The following BCAS3 variants were observed in gnomAD, a reference collection of about 807,000 sequenced individuals.
BCAS3 encodes BCAS4/BCAS3 fusion.
Under a neutral mutation model 116.1 loss-of-function variants are expected in BCAS3, and 53 were observed. The ratio of observed to expected loss-of-function variants is 0.46; its 90% confidence interval spans 0.37 to 0.57. The LOEUF is 0.57. BCAS3 is among the 20% of genes least tolerant of loss of function. The pLI is 0.00. For missense variants in BCAS3, 917 were observed against 1,165.4 expected, an observed-to-expected ratio of 0.79 and a Z score of 3.10; for synonymous variants, 391 against 408.2, an observed-to-expected ratio of 0.96 and a Z score of 0.51.
At position 61,279,747 on chromosome 17, in the gene BCAS3, AGG is replaced by A. The variant is rs2051077000; in HGVS notation, c.2426-88579_2426-88578del. ...GCTAAGCCACTGGGCCTCCATGGTG[AGG>A]TGGCACTGGTCCCTCTGCTTGAGTG... On this transcript the variant is annotated intron_variant, in intron 22 of 23. Transcript: ENST00000407086. The surrounding 1 kb of genome is among the most constrained non-coding windows in gnomAD (Gnocchi z 4.4). 6.6e-6 allele frequency among the ~76,000 whole-genome samples: 1 copy of A among 150,946 alleles called. No homozygotes were observed. The highest frequency in any genetic ancestry group is 1.5e-5 in the Non-Finnish European group (1 of 67,796).
rs535915414 is a variant in BCAS3 at position 61,029,151 on chromosome 17, T to C, written c.1638-5515T>C. Among the ~76,000 whole-genome samples, 4 of 152,086 alleles carry C rather than the reference T, an allele frequency of 2.6e-5. No individual in the cohort carries two copies. Among genetic ancestry groups the C allele is most frequent in the African/African-American group, 7.2e-5 (3 of 41,560 alleles). ...GTATTTTGGATGAAAAATGAAATTT[T>C]TAAATGAAATGTAAATTTTCTACAA... On this transcript the variant is annotated intron_variant, in intron 16 of 23. Coordinates refer to ENST00000407086, the MANE Select transcript of BCAS3 (RefSeq NM_017679.5). This position sits in a 1 kb window ranked among gnomAD's most constrained non-coding sequence, Gnocchi z 5.2.
intron 6 of BCAS3, among the ~76,000 whole-genome samples, chr17:60,803,206 TTCTG>T (rs1477800540): frequency 6.6e-6 from 1 of 152,236 alleles, no homozygotes; most frequent in Non-Finnish European, 1.5e-5. Context: ...CCCAGTGTCC[TTCTG>T]TCTGTCTCTA....
At chr17:61,350,449 T>TAAAA (rs1568916314) in intron 22 of BCAS3, among the ~76,000 whole-genome samples, 2 of 151,154 alleles carry the variant, frequency 1.3e-5, no homozygotes. Flanking sequence ...AATAAATAAA[T>TAAAA]AAATAAATTT....
At chr17:61,152,582 G>T (rs2077599841) in intron 22 of BCAS3, among the ~76,000 whole-genome samples, 1 of 152,080 alleles carries the variant, frequency 6.6e-6, no homozygotes, top group Non-Finnish European at 1.5e-5. Flanking sequence ...AACATGTTGA[G>T]CCCAACCTCA....
At position 61,106,393 on chromosome 17, in the gene BCAS3, C is replaced by T. The variant is rs961007719; in HGVS notation, c.2425+21829C>T. 6.6e-5 allele frequency among the ~76,000 whole-genome samples: 10 copies of T among 152,124 alleles called. No homozygotes were observed. The highest frequency in any genetic ancestry group is 1.3e-4 in the Non-Finnish European group (9 of 68,022). ...TTGTGTTACAGTTGCCTACAGTATT[C>T]GGTACAGTAACATACTGCACAGATT... On this transcript the variant is annotated intron_variant, in intron 22 of 23. Coordinates refer to ENST00000407086, the MANE Select transcript of BCAS3 (RefSeq NM_017679.5). This position sits in a 1 kb window ranked among gnomAD's most constrained non-coding sequence, Gnocchi z 4.2.
At position 61,124,195 on chromosome 17, in the gene BCAS3, G is replaced by C. The variant is rs909022204; in HGVS notation, c.2425+39631G>C. Among the ~76,000 whole-genome samples the C allele has an allele frequency of 3.3e-5, 5 of 151,502 alleles. No homozygotes were observed. The highest frequency in any genetic ancestry group is 1.5e-5 in the Non-Finnish European group (1 of 67,902). On this transcript the variant is annotated intron_variant, in intron 22 of 23. Coordinates refer to ENST00000407086, the MANE Select transcript of BCAS3 (RefSeq NM_017679.5). This position sits in a 1 kb window ranked among gnomAD's most constrained non-coding sequence, Gnocchi z 4.6. ...TATTTAACACCAATGGTTTCCTATTGGCTTCTTTAGCTGGAAAAATTATTT... is the reference window on the plus strand; with the variant it reads ...TATTTAACACCAATGGTTTCCTATTCGCTTCTTTAGCTGGAAAAATTATTT...
rs1394643666 is a variant in BCAS3 at position 61,227,010 on chromosome 17, T to C, written c.2426-141317T>C. On this transcript the variant is annotated intron_variant, in intron 22 of 23. Coordinates refer to ENST00000407086, the MANE Select transcript of BCAS3 (RefSeq NM_017679.5). This position sits in a 1 kb window ranked among gnomAD's most constrained non-coding sequence, Gnocchi z 6.1. ...ATGGGACCCTCGAGGGAGGAGAGGA[T>C]GGAGACTGGGAGAGGAGTTCCAGGT... Among the ~76,000 whole-genome samples the C allele has an allele frequency of 6.6e-6, 1 of 152,160 alleles. No homozygotes were observed. Among genetic ancestry groups the C allele is most frequent in the Non-Finnish European group, 1.5e-5 (1 of 68,014 alleles).
rs1357693862 is a variant in BCAS3, at chr17:61,228,337, A to G, written c.2426-139990A>G. On this transcript the variant is annotated intron_variant, in intron 22 of 23. Transcript: ENST00000407086. The surrounding 1 kb of genome is among the most constrained non-coding windows in gnomAD (Gnocchi z 5.0). ...TTGCCTTACCAGGAAACCGTAATTTATAGTGTATTTTTTTAAGGTGGGAAG... is the reference window on the plus strand; with the variant it reads ...TTGCCTTACCAGGAAACCGTAATTTGTAGTGTATTTTTTTAAGGTGGGAAG... Among the ~76,000 whole-genome samples, 1 of 152,162 alleles carries G rather than the reference A, an allele frequency of 6.6e-6. No homozygotes were observed. Among genetic ancestry groups the G allele is most frequent in the Non-Finnish European group, 1.5e-5 (1 of 68,032 alleles).
At chr17:60,893,600 CTTT>C (rs930873750) in intron 10 of BCAS3, among the ~76,000 whole-genome samples, 108 of 82,038 alleles carry the variant, frequency 1.3e-3, no homozygotes, top group African/African-American at 5.5e-3. Flanking sequence ...GACCTATGAT[CTTT>C]TTTTTTTTTT....
chr17:60,980,202 ACTT>A (rs1216791379), intron 14 of BCAS3, among the ~76,000 whole-genome samples: 1 of 152,120 alleles, frequency 6.6e-6, no homozygotes, highest in Non-Finnish European at 1.5e-5. Flanking sequence ...CAGAGATTAA[ACTT>A]CTGGGCGGAA....
intron 13 of BCAS3, among the ~76,000 whole-genome samples, chr17:60,942,192 G>C (rs569615892): frequency 2.6e-4 from 40 of 152,310 alleles, no homozygotes; most frequent in African/African-American, 9.4e-4. Flanking sequence ...TTGGGAGGCT[G>C]AGGTGGGCAG....
At chr17:60,875,681 G>A (rs897909664) in intron 9 of BCAS3, among the ~76,000 whole-genome samples, 2 of 151,918 alleles carry the variant, frequency 1.3e-5, no homozygotes, top group Non-Finnish European at 2.9e-5. Context: ...ATATACAAAT[G>A]TCTTCAATTT....
chr17:61,285,231 T>TTGTGTGTGTGTGTGTGTGTGTGTGTG lies in BCAS3; in HGVS notation c.2426-83094_2426-83069dup, dbSNP rs371178241. 1.0e-4 allele frequency among the ~76,000 whole-genome samples: 14 copies of TTGTGTGTGTGTGTGTGTGTGTGTGTG among 140,026 alleles called. No homozygotes were observed. The highest frequency in any genetic ancestry group is 2.4e-4 in the African/African-American group (8 of 32,862). The allele number at this position is 140,026 out of a possible 152,430, so 91.9% of individuals were successfully genotyped here. A position where few individuals can be genotyped will look rare whatever the true frequency, so the allele number is the denominator to read the frequency against. Reference sequence around the variant, plus strand: ...GTTTTGCTTTTCCCCTCCTCCTAGGTTGTGTGTGTGTGTGTGTGTGTGTGT... The same window carrying TTGTGTGTGTGTGTGTGTGTGTGTGTG: ...GTTTTGCTTTTCCCCTCCTCCTAGGTTGTGTGTGTGTGTGTGTGTGTGTGTGTGTGTGTGTGTGTGTGTGTGTGTGT... On this transcript the variant is annotated intron_variant, in intron 22 of 23. Transcript: ENST00000407086. The surrounding 1 kb of genome is among the most constrained non-coding windows in gnomAD (Gnocchi z 5.4).
chr17:60,729,971 C>A (rs1350294806), intron 5 of BCAS3, among the ~76,000 whole-genome samples: 2 of 152,316 alleles, frequency 1.3e-5, no homozygotes, highest in African/African-American at 4.8e-5. Flanking sequence ...AGTGGTTTTA[C>A]ATTAACATCT....
chr17:60,724,736 T>TAAA (rs1568107171), intron 5 of BCAS3, among the ~76,000 whole-genome samples: 19 of 150,950 alleles, frequency 1.3e-4, no homozygotes, highest in African/African-American at 4.2e-4. Context: ...AAAAAAAAAT[T>TAAA]CATTTTCTTT....
rs1386364917 is a variant in BCAS3 at position 61,258,394 on chromosome 17, A to G, written c.2426-109933A>G. Reference sequence around the variant, plus strand: ...TAGGAGGCTGCATGGTATGATCAAAAGAACACAGGTTTTTAGAGGCAGGTT... The same window carrying G: ...TAGGAGGCTGCATGGTATGATCAAAGGAACACAGGTTTTTAGAGGCAGGTT... On this transcript the variant is annotated intron_variant, in intron 22 of 23. Transcript: ENST00000407086. The surrounding 1 kb of genome is among the most constrained non-coding windows in gnomAD (Gnocchi z 4.7). Among the ~76,000 whole-genome samples, 1 of 152,252 alleles carries G rather than the reference A, an allele frequency of 6.6e-6. No homozygotes were observed. The highest frequency in any genetic ancestry group is 1.5e-5 in the Non-Finnish European group (1 of 68,046).
chr17:60,955,862 C>T (rs925014109), intron 14 of BCAS3, among the ~76,000 whole-genome samples: 4 of 152,204 alleles, frequency 2.6e-5, no homozygotes, highest in African/African-American at 9.7e-5. Context: ...TCATCCTTGA[C>T]AGGAATGTCA....
In BCAS3 at chr17:61,105,581, C is replaced by T. The variant is rs966256546; in HGVS notation, c.2425+21017C>T. 7.9e-5 allele frequency among the ~76,000 whole-genome samples: 12 copies of T among 152,140 alleles called. No homozygotes were observed. Among genetic ancestry groups the T allele is most frequent in the African/African-American group, 1.7e-4 (7 of 41,446 alleles). On this transcript the variant is annotated intron_variant, in intron 22 of 23. Coordinates refer to ENST00000407086, the MANE Select transcript of BCAS3 (RefSeq NM_017679.5). The surrounding 1 kb of genome is among the most constrained non-coding windows in gnomAD (Gnocchi z 4.3). ...CTGGGGTTACAGGCATGTGCCACCA[C>T]GCCCAGCTAATTTTGTATTTTTTTT...
At position 60,843,071 on chromosome 17, in the gene BCAS3, G is replaced by T. The variant is rs2052121057; in HGVS notation, c.477-25505G>T. On this transcript the variant is annotated intron_variant, in intron 7 of 23. Coordinates refer to ENST00000407086, the MANE Select transcript of BCAS3 (RefSeq NM_017679.5). ...CATTTTTTTATAGAGAGAGGGTCTT[G>T]CTACGCTACTAAGGCTGATTTTTAT... is the stretch of plus-strand genomic sequence containing the variant. Among the ~76,000 whole-genome samples the T allele has an allele frequency of 3.3e-5, 5 of 151,132 alleles. No individual in the cohort carries two copies. The Middle Eastern group carries it at 0.017, about 521-fold the overall frequency.
Sources: allele counts gnomAD v4.1 joint callset (sites outside exome capture counted in the v4.1 genomes callset), GRCh38; gene constraint gnomAD v4.1.1; non-coding constraint Gnocchi (gnomAD v3.1); transcripts MANE v1.5; gene names NCBI Gene and HGNC (gene_info 2026-07-23, HGNC 2026-07-21).